Variants in BAZ2A observed in about 807,000 individuals in gnomAD.
The protein encoded by BAZ2A is bromodomain adjacent to zinc finger domain 2A.
A neutral mutation model predicts 199.9 loss-of-function variants in BAZ2A; 34 were observed. That is an observed-to-expected ratio of 0.17 (90% CI 0.13 to 0.23). The LOEUF is 0.23. BAZ2A is among the 10% of genes least tolerant of loss of function. The pLI is 1.00. For missense variants in BAZ2A, 2,002 were observed against 2,391.1 expected (o/e 0.84, Z 3.39); for synonymous variants, 857 against 883.9 (o/e 0.97, Z 0.54).
At position 56,606,636 on chromosome 12, in the gene BAZ2A, C is replaced by A; in HGVS notation, c.2190G>T (p.Gly730=). The change falls in exon 11 of 29, where the codon GGG becomes GGT. Residue 730 remains glycine, a synonymous_variant. Coordinates refer to ENST00000549884, the MANE Select transcript of BAZ2A (RefSeq NM_001300905.2). ...QRGECQTTIQ[G]QARNKRKQET... ...TCATCTCTCTGATGTCCCTCACCTG[C>A]CCTTGGATAGTAGTCTGACACTCTC... The A allele has an allele frequency of 6.2e-7, 1 of 1,613,272 alleles. No homozygotes were observed. The highest frequency in any genetic ancestry group is 8.5e-7 in the Non-Finnish European group (1 of 1,179,270).
chr12:56,600,955 G>A lies in BAZ2A; in HGVS notation c.4438C>T (p.Arg1480Trp), dbSNP rs764753520. 1.1e-5 allele frequency: 18 copies of A among 1,613,548 alleles called. No individual in the cohort carries two copies. Among genetic ancestry groups the A allele is most frequent in the Admixed American group, 3.3e-5 (2 of 59,940 alleles). The change falls in exon 22 of 29, where the codon CGG becomes TGG. Residue 1480 changes from arginine to tryptophan, a missense_variant. By Grantham distance (101) the Arg-to-Trp change is moderately radical. This residue lies in a region of BAZ2A where 1,081 missense variants were observed against 1,274.7 expected (regional missense o/e 0.85). Coordinates refer to ENST00000549884, the MANE Select transcript of BAZ2A (RefSeq NM_001300905.2). ...HRDFLQEVCL[R>W]PSADPIFEPR... ...GGAATGTATTTACCAGCTGAGGGCCGCAGGCAGACTTCCTGCAAGAAGTCC... is the reference window on the plus strand; with the variant it reads ...GGAATGTATTTACCAGCTGAGGGCCACAGGCAGACTTCCTGCAAGAAGTCC...
chr12:56,600,755 C>T lies in BAZ2A; in HGVS notation c.4528G>A (p.Glu1510Lys), dbSNP rs74374785. Reference protein sequence around the residue: ...MSWSPKEKTYETDLAVLQWVE... With the variant: ...MSWSPKEKTYKTDLAVLQWVE... ...CATTGAAGCACTGCTAGGTCTGTCT[C>T]GTATGTCTTCTCTTTGGGGGACCAG... The change falls in exon 23 of 29, where the codon GAG (glutamate) becomes AAG (lysine). Residue 1510 changes from glutamate to lysine, a missense_variant. Coordinates refer to ENST00000549884, the MANE Select transcript of BAZ2A (RefSeq NM_001300905.2). 3,920 of 1,613,830 alleles carry T rather than the reference C, an allele frequency of 2.4e-3. 75 individuals are homozygous for T. The African/African-American group carries it at 0.047, about 19-fold the overall frequency.
At position 56,605,947 on chromosome 12, in the gene BAZ2A, G is replaced by T; in HGVS notation, c.2376C>A (p.Ala792=). Residue 792 remains alanine, a synonymous_variant, in exon 13 of 29, where the codon GCC becomes GCA. Transcript: ENST00000549884. ...TGGCCAGGGTCTTATCTGCTTTACA[G>T]GCTGGCTTGGCTTTGGTCACCTCCT... ...EKEEVTKAKP[A]CKADKTLATQ... The T allele has an allele frequency of 6.4e-7, 1 of 1,558,682 alleles. No homozygotes were observed. The highest frequency in any genetic ancestry group is 8.7e-7 in the Non-Finnish European group (1 of 1,150,750).
chr12:56,630,703 A>G (rs1347779306), upstream of BAZ2A: 5 of 892,390 alleles, frequency 5.6e-6, no homozygotes, highest in Non-Finnish European at 6.7e-6. Context: ...AAACGTGGAA[A>G]TAGAAAGGTT....
intron 26 of BAZ2A, 130 bp downstream of exon 26, chr12:56,599,572 C>T: frequency 1.4e-6 from 2 of 1,384,286 alleles, no homozygotes; most frequent in Non-Finnish European, 1.9e-6. Flanking sequence ...ATTTAAGTGA[C>T]TTGTCCAAAA....
At chr12:56,599,636 G>A (rs747291993) in intron 26 of BAZ2A, 66 bp downstream of exon 26, 26 of 1,605,286 alleles carry the variant, frequency 1.6e-5, no homozygotes, top group African/African-American at 6.7e-5. Context: ...TTTCCAAGGA[G>A]AGGAGAGATT....
At chr12:56,616,471 C>A (rs535742328) in intron 2 of BAZ2A, among the ~76,000 whole-genome samples, 47 of 152,298 alleles carry the variant, frequency 3.1e-4, no homozygotes, top group Non-Finnish European at 5.3e-4. Context: ...GCTCAGAAGG[C>A]TGGGCTTGGC....
Position 56,601,329 on chromosome 12 carries a change from G to A in BAZ2A, c.4145C>T (p.Pro1382Leu), listed in dbSNP as rs778509426. ...FSSTPLAGLA[P>L]KRRAGDPGEM... The stretch of plus-strand genomic sequence containing the variant: ...TCCAGGGTCTCCTGCTCGCCTCTTA[G>A]GGGCCAACCCAGCCAAGGGCGTGGA... Residue 1382 changes from proline (P) to leucine (L), a missense_variant, in exon 21 of 29, where the codon CCT becomes CTT. By Grantham distance (98) the Pro-to-Leu change is moderately conservative. This residue lies in a region of BAZ2A where 1,081 missense variants were observed against 1,274.7 expected (regional missense o/e 0.85). Transcript: ENST00000549884. 2.5e-6 allele frequency: 4 copies of A among 1,613,902 alleles called. No homozygotes were observed. Among genetic ancestry groups the A allele is most frequent in the East Asian group, 2.2e-5 (1 of 44,890 alleles).
intron 19 of BAZ2A, among the ~76,000 whole-genome samples, 189 bp from the exon 20 acceptor site, chr12:56,602,381 T>TCAG (rs1950206457): frequency 6.6e-6 from 1 of 152,216 alleles, no homozygotes; most frequent in African/African-American, 2.4e-5. Flanking sequence ...TCCCAAGTAA[T>TCAG]CAGCAGCAGC....
chr12:56,615,421 G>T lies in BAZ2A; in HGVS notation c.323C>A (p.Pro108Gln). 4 of 1,613,402 alleles carry T rather than the reference G, an allele frequency of 2.5e-6. No individual in the cohort carries two copies. Among genetic ancestry groups the T allele is most frequent in the Non-Finnish European group, 3.4e-6 (4 of 1,179,826 alleles). ...CCCCGAGAACTGGGAGAGAAGGGGT[G>T]GGTCCTTGAGGTTGCTGCCAGGATT... ...SANPGSNLKD[P>Q]PLLSQFSGGQ... Residue 108 changes from proline (P) to glutamine (Q), a missense_variant, in exon 3 of 29, where the codon CCA becomes CAA. By Grantham distance (76) the Pro-to-Gln change is moderately conservative (BLOSUM62 -1). This residue lies in a region of BAZ2A where 641 missense variants were observed against 694.5 expected (regional missense o/e 0.92). Coordinates refer to ENST00000549884, the MANE Select transcript of BAZ2A (RefSeq NM_001300905.2).
At position 56,599,012 on chromosome 12, in the gene BAZ2A, C is replaced by A; in HGVS notation, c.5403-1G>T. The A allele has an allele frequency of 6.2e-7, 1 of 1,610,948 alleles. No homozygotes were observed. The highest frequency in any genetic ancestry group is 1.7e-5 in the Admixed American group (1 of 59,592). On this transcript the variant is annotated splice_acceptor_variant, in intron 27 of 28. Transcript: ENST00000549884. LOFTEE classifies it high-confidence loss of function. ...GGACTCCATCTCCATCAGGATAATC[C>A]TATCATTAGAGGGACAATGATGGCT...
upstream of BAZ2A, among the ~76,000 whole-genome samples, chr12:56,631,079 A>G (rs1414903377): frequency 6.6e-6 from 1 of 152,216 alleles, no homozygotes; most frequent in Non-Finnish European, 1.5e-5. Flanking sequence ...GCAGAGGACT[A>G]GAGTTTGGCT....
upstream of BAZ2A, among the ~76,000 whole-genome samples, chr12:56,637,962 C>T (rs761948703): frequency 6.6e-6 from 1 of 152,264 alleles, no homozygotes. Flanking sequence ...TATAGCCACT[C>T]TAAAAATCTA....
At chr12:56,608,665 G>A (rs1231856757) in intron 10 of BAZ2A, among the ~76,000 whole-genome samples, 1 of 151,670 alleles carries the variant, frequency 6.6e-6, no homozygotes, top group Admixed American at 6.6e-5. Flanking sequence ...TGCCTCCTGG[G>A]TTCAAGCCAT....
At chr12:56,630,062 G>T (rs1592631332) in intron 1 of BAZ2A, 63 bp downstream of exon 1, 1 of 928,268 alleles carries the variant, frequency 1.1e-6, no homozygotes, top group African/African-American at 1.8e-5. Flanking sequence ...GTTCCCCGAG[G>T]GAAGCCTCGG....
chr12:56,617,592 T>C (rs1592603157), intron 1 of BAZ2A, 60 bp from the exon 2 acceptor site: 4 of 1,522,972 alleles, frequency 2.6e-6, no homozygotes, highest in East Asian at 2.4e-5. Flanking sequence ...TTATGTCACC[T>C]GGAATCTTCC....
upstream of BAZ2A, among the ~76,000 whole-genome samples, chr12:56,632,425 C>G (rs913629137): frequency 6.6e-6 from 1 of 152,126 alleles, no homozygotes; most frequent in Non-Finnish European, 1.5e-5. Context: ...GGGGGCCAGT[C>G]GGGGACTGGG....
upstream of BAZ2A, among the ~76,000 whole-genome samples, chr12:56,632,750 C>T (rs1232427808): frequency 6.6e-6 from 1 of 152,060 alleles, no homozygotes; most frequent in Non-Finnish European, 1.5e-5. Flanking sequence ...TGAATGAGAC[C>T]CCACCTCATC....
chr12:56,600,891 C>T, intron 22 of BAZ2A, 52 bp downstream of exon 22: 5 of 1,611,432 alleles, frequency 3.1e-6, no homozygotes, highest in Non-Finnish European at 4.2e-6. Context: ...AGCAGCAGCT[C>T]AATGCTTATC....
Sources: allele counts gnomAD v4.1 joint callset (sites outside exome capture counted in the v4.1 genomes callset), GRCh38; gene constraint gnomAD v4.1.1; regional missense constraint gnomAD v4.1.1; transcripts MANE v1.5; gene names NCBI Gene and HGNC (gene_info 2026-07-23, HGNC 2026-07-21).